Variants in UMAD1 observed in about 807,000 individuals in gnomAD.
UMAD1 encodes UBAP1-MVB12-associated (UMA)-domain containing protein 1.
A neutral mutation model predicts 6.1 loss-of-function variants in UMAD1; 8 were observed. The ratio of observed to expected loss-of-function variants is 1.30; its 90% CI spans 0.76 to 2.35. The LOEUF is 2.35. Among genes scored for constraint, UMAD1 ranks in the 30% most tolerant of loss-of-function variants. UMAD1 has a pLI of 0.00. For synonymous variants in UMAD1, 56 were observed against 31.4 expected (o/e 1.78, Z -2.61); for missense variants, 130 against 78.4 (o/e 1.66, Z -2.49).
intron 2 of UMAD1, among the ~76,000 whole-genome samples, chr7:7,778,345 G>A (rs1782269005): frequency 1.3e-5 from 2 of 150,890 alleles, no homozygotes; most frequent in Non-Finnish European, 3.0e-5. Context: ...GATGAATATA[G>A]GTAAAGGTGA....
chr7:7,809,660 C>A (rs1782985467), intron 3 of UMAD1, among the ~76,000 whole-genome samples: 1 of 152,084 alleles, frequency 6.6e-6, no homozygotes, highest in South Asian at 2.1e-4. Flanking sequence ...TCCTGTCTTA[C>A]TGAGACTTTG....
intron 3 of UMAD1, among the ~76,000 whole-genome samples, chr7:7,803,446 G>A (rs1473244730): frequency 6.6e-6 from 1 of 152,192 alleles, no homozygotes; most frequent in African/African-American, 2.4e-5. Flanking sequence ...TTTAGTGAGT[G>A]CTGGCCATAA....
chr7:7,719,293 A>T (rs1780994631), intron 2 of UMAD1, among the ~76,000 whole-genome samples: 3 of 152,242 alleles, frequency 2.0e-5, no homozygotes, highest in African/African-American at 7.2e-5. Flanking sequence ...TCCAGTATAT[A>T]GTATGCTACA....
At chr7:7,688,240 C>T (rs914442625) in intron 2 of UMAD1, among the ~76,000 whole-genome samples, 1 of 152,108 alleles carries the variant, frequency 6.6e-6, no homozygotes, top group African/African-American at 2.4e-5. Context: ...GGTTTACTAG[C>T]TCCTTGGGCT....
intron 1 of UMAD1, among the ~76,000 whole-genome samples, chr7:7,656,606 G>A (rs960958106): frequency 3.7e-4 from 57 of 152,196 alleles, no homozygotes; most frequent in Admixed American, 3.6e-3. Flanking sequence ...TGAGAATGAT[G>A]GTTTCCAGCT....
intron 2 of UMAD1, among the ~76,000 whole-genome samples, chr7:7,721,012 A>G (rs994869951): frequency 6.6e-6 from 1 of 152,030 alleles, no homozygotes; most frequent in Non-Finnish European, 1.5e-5. Context: ...ACACAGGGAG[A>G]CACAGAGGAG....
intron 3 of UMAD1, among the ~76,000 whole-genome samples, chr7:7,858,413 G>A (rs1277835059): frequency 2.0e-4 from 30 of 152,120 alleles, no homozygotes; most frequent in Non-Finnish European, 3.8e-4. Context: ...AAAAACAAAA[G>A]CTCTGTTGGG....
intron 2 of UMAD1, among the ~76,000 whole-genome samples, chr7:7,681,859 A>T (rs1219212273): frequency 6.6e-6 from 1 of 152,166 alleles, no homozygotes; most frequent in Non-Finnish European, 1.5e-5. Flanking sequence ...AAGTTAGGAA[A>T]AGGGATATTG....
At chr7:7,876,166 T>C (rs1426145933) in intron 3 of UMAD1, among the ~76,000 whole-genome samples, 2 of 152,126 alleles carry the variant, frequency 1.3e-5, no homozygotes, top group Non-Finnish European at 2.9e-5. Flanking sequence ...AGTAGCCCTG[T>C]GTATGTCTGG....
At chr7:7,854,219 G>A (rs1244290349) in intron 3 of UMAD1, among the ~76,000 whole-genome samples, 1 of 151,870 alleles carries the variant, frequency 6.6e-6, no homozygotes, top group Non-Finnish European at 1.5e-5. Context: ...GCTGGGTGTG[G>A]TGGTGCATGC....
intron 2 of UMAD1, among the ~76,000 whole-genome samples, chr7:7,746,218 G>GGT: frequency 6.6e-6 from 1 of 152,176 alleles, no homozygotes; most frequent in East Asian, 1.9e-4. Context: ...GAAGAAACAT[G>GGT]GTAAAAGCAC....
intron 2 of UMAD1, among the ~76,000 whole-genome samples, chr7:7,691,034 G>A (rs1780161600): frequency 6.6e-6 from 1 of 152,144 alleles, no homozygotes; most frequent in Non-Finnish European, 1.5e-5. Flanking sequence ...AGCTCAGCAT[G>A]GTACAAACCT....
intron 1 of UMAD1, among the ~76,000 whole-genome samples, chr7:7,645,574 C>T (rs1039839057): frequency 2.0e-5 from 3 of 152,332 alleles, no homozygotes; most frequent in South Asian, 2.1e-4. Context: ...CCCCGAAGTC[C>T]TTCCCAACTT....
At chr7:7,845,137 C>A (rs1452741303) in intron 3 of UMAD1, among the ~76,000 whole-genome samples, 1 of 151,968 alleles carries the variant, frequency 6.6e-6, no homozygotes, top group Non-Finnish European at 1.5e-5. Context: ...AACTGGATTT[C>A]AAAGTCTTAG....
At chr7:7,765,279 A>C (rs1374499337) in intron 2 of UMAD1, among the ~76,000 whole-genome samples, 1 of 152,024 alleles carries the variant, frequency 6.6e-6, no homozygotes, top group Non-Finnish European at 1.5e-5. Context: ...CCTCGCCTTG[A>C]GATCTTTCTT....
At chr7:7,662,974 T>G (rs1469793403) in intron 1 of UMAD1, among the ~76,000 whole-genome samples, 1 of 150,918 alleles carries the variant, frequency 6.6e-6, no homozygotes, top group Non-Finnish European at 1.5e-5. Context: ...CATAATTTTC[T>G]CAAAAAAATT....
chr7:7,702,840 G>A (rs922983150), intron 2 of UMAD1, among the ~76,000 whole-genome samples: 1 of 152,244 alleles, frequency 6.6e-6, no homozygotes, highest in Middle Eastern at 3.4e-3. Flanking sequence ...AATGCTTAGA[G>A]ACAAGTCAAC....
chr7:7,790,558 C>T (rs936691721), intron 2 of UMAD1, among the ~76,000 whole-genome samples: 2 of 152,220 alleles, frequency 1.3e-5, no homozygotes, highest in African/African-American at 4.8e-5. Flanking sequence ...GTGTCTGCTT[C>T]TGATCAGTGG....
intron 3 of UMAD1, among the ~76,000 whole-genome samples, chr7:7,863,322 A>G (rs558178540): frequency 1.4e-4 from 22 of 152,350 alleles, no homozygotes; most frequent in African/African-American, 4.8e-4. Flanking sequence ...CAAATTAAAT[A>G]CATGTGAAAC....
Sources: allele counts gnomAD v4.1 joint callset (sites outside exome capture counted in the v4.1 genomes callset), GRCh38; gene constraint gnomAD v4.1.1; transcripts MANE v1.5; gene names NCBI Gene and HGNC (gene_info 2026-07-23, HGNC 2026-07-21).